SLCO4A1: variants seen among roughly 807,000 people sequenced by gnomAD.
SLCO4A1 encodes the protein solute carrier organic anion transporter family member 4A1.
In SLCO4A1, 51 loss-of-function variants were observed where a neutral mutation model predicts 64.6. The observed-to-expected ratio is 0.79, with a 90% CI of 0.63 to 1.00. SLCO4A1 has a LOEUF of 1.00. Ranked by LOEUF, SLCO4A1 falls within the 50% of genes least tolerant of loss-of-function variation. The pLI, the probability that SLCO4A1 is intolerant of heterozygous loss-of-function variation, is 0.00. For synonymous variants in SLCO4A1, 471 were observed against 444.9 expected (o/e 1.06, Z -0.74); for missense variants, 919 against 980.5 (o/e 0.94, Z 0.84).
chr20:62,646,731 T>C (rs1981404386), intron 1 of SLCO4A1, among the ~76,000 whole-genome samples: 1 of 152,232 alleles, frequency 6.6e-6, no homozygotes, highest in African/African-American at 2.4e-5. Context: ...TCATGATGTC[T>C]CTGTTATGGG....
chr20:62,659,734 CCT>C (rs1984418369), intron 3 of SLCO4A1, among the ~76,000 whole-genome samples: 2 of 152,220 alleles, frequency 1.3e-5, no homozygotes, highest in Admixed American at 1.3e-4. Context: ...GTTGGCGCTC[CCT>C]GTGTCCTCTG....
intron 9 of SLCO4A1, 56 bp downstream of exon 9, chr20:62,668,240 C>T (rs755500258): frequency 1.0e-5 from 16 of 1,586,630 alleles, no homozygotes; most frequent in African/African-American, 6.7e-5. Flanking sequence ...CACCCTGAGG[C>T]GGAGCTCTGC....
In SLCO4A1 at chr20:62,661,193, G is replaced by C. The variant is rs1278863001; in HGVS notation, c.1121+18G>C. ...CTGCCTCTGTAAGGACCGGAGTCGG[G>C]AGGGTTCCTAGTGTCCTCAGACCCT... On this transcript the variant is annotated intron_variant, in intron 5 of 11. Coordinates refer to ENST00000217159, the MANE Select transcript of SLCO4A1 (RefSeq NM_016354.4). This position sits in a 1 kb window ranked among gnomAD's most constrained non-coding sequence, Gnocchi z 5.2. 2 of 1,576,104 alleles carry C rather than the reference G, an allele frequency of 1.3e-6. No homozygotes were observed. Among genetic ancestry groups the C allele is most frequent in the Admixed American group, 3.3e-5 (2 of 59,978 alleles).
downstream of SLCO4A1, among the ~76,000 whole-genome samples, chr20:62,676,641 C>T (rs1247395428): frequency 2.0e-5 from 3 of 152,152 alleles, no homozygotes; most frequent in African/African-American, 4.8e-5. Flanking sequence ...AACCAGAAAA[C>T]GACACGTCGT....
downstream of SLCO4A1, among the ~76,000 whole-genome samples, chr20:62,688,993 T>G (rs1988148497): frequency 6.6e-6 from 1 of 152,224 alleles, no homozygotes; most frequent in Non-Finnish European, 1.5e-5. Context: ...CGAGCACAGT[T>G]AATTTCCTCT....
chr20:62,657,487 C>T (rs748192450), intron 2 of SLCO4A1, among the ~76,000 whole-genome samples: 2 of 152,248 alleles, frequency 1.3e-5, no homozygotes, highest in African/African-American at 4.8e-5. Context: ...GGCCGCTGTG[C>T]CCGGGAGCCT....
rs984199217 is a variant in SLCO4A1 at position 62,661,101 on chromosome 20, GCAC to G, written c.1050_1052del (p.His350del). The G allele has an allele frequency of 2.5e-6, 4 of 1,601,888 alleles. No individual in the cohort carries two copies. Among genetic ancestry groups the G allele is most frequent in the Non-Finnish European group, 2.6e-6 (3 of 1,172,888 alleles). On this transcript the variant is annotated inframe_deletion, in exon 5 of 12. Coordinates refer to ENST00000217159, the MANE Select transcript of SLCO4A1 (RefSeq NM_016354.4). This position sits in a 1 kb window ranked among gnomAD's most constrained non-coding sequence, Gnocchi z 5.2. Reference sequence around the variant, plus strand: ...ACGCGGTCATGAGAGCGGCGGAAATGCACCAGTTGAAGGACAGCAGCCGTGGGG... The same window carrying G: ...ACGCGGTCATGAGAGCGGCGGAAATGCAGTTGAAGGACAGCAGCCGTGGGG...
At chr20:62,648,245 C>CT (rs1445314880) in intron 1 of SLCO4A1, among the ~76,000 whole-genome samples, 1 of 152,262 alleles carries the variant, frequency 6.6e-6, no homozygotes, top group African/African-American at 2.4e-5. Flanking sequence ...GGGCAGCTGG[C>CT]TCTCTAGATG....
chr20:62,646,796 G>T (rs559454628), intron 1 of SLCO4A1, among the ~76,000 whole-genome samples: 1 of 152,256 alleles, frequency 6.6e-6, no homozygotes, highest in African/African-American at 2.4e-5. Flanking sequence ...GCCAGCCTCC[G>T]TCTTCTTCTC....
chr20:62,658,292 G>A (rs116380013), intron 2 of SLCO4A1, among the ~76,000 whole-genome samples: 2 of 152,202 alleles, frequency 1.3e-5, no homozygotes, highest in Admixed American at 1.3e-4. Context: ...TCCAAATCCC[G>A]GCCTGTGGGA....
At chr20:62,677,798 C>T (rs762080820) in intron 2 of SLCO4A1, among the ~76,000 whole-genome samples, 7 of 152,236 alleles carry the variant, frequency 4.6e-5, no homozygotes, top group Admixed American at 3.3e-4. Flanking sequence ...CCCAGCGCCA[C>T]GCTGTGAGCA....
intron 5 of SLCO4A1, among the ~76,000 whole-genome samples, chr20:62,664,715 C>T (rs1985751164): frequency 6.6e-6 from 1 of 152,242 alleles, no homozygotes; most frequent in South Asian, 2.1e-4. Context: ...ACTCTACTCC[C>T]TGTCGGAACA....
intron 2 of SLCO4A1, among the ~76,000 whole-genome samples, chr20:62,680,631 G>A (rs1465505570): frequency 6.6e-6 from 1 of 150,582 alleles, no homozygotes; most frequent in African/African-American, 2.4e-5. Flanking sequence ...TGAGTCTGTT[G>A]ACACAATCCC....
At chr20:62,649,956 T>C (rs1395305970) in intron 1 of SLCO4A1, 4 of 152,296 alleles carry the variant, frequency 2.6e-5, no homozygotes, top group Admixed American at 1.3e-4. Flanking sequence ...GCAGGTCCTT[T>C]GAATTTGGTC....
intron 1 of SLCO4A1, among the ~76,000 whole-genome samples, chr20:62,653,853 A>G (rs1433861781): frequency 7.0e-6 from 1 of 143,234 alleles, no homozygotes; most frequent in Non-Finnish European, 1.5e-5. Context: ...GAACGCTTGG[A>G]CACAGGGCAG....
intron 2 of SLCO4A1, among the ~76,000 whole-genome samples, chr20:62,680,943 C>T (rs1987796627): frequency 6.6e-6 from 1 of 152,190 alleles, no homozygotes; most frequent in Admixed American, 6.5e-5. Context: ...CTCACTCTGT[C>T]ACCTGGGCTG....
rs1555914354 is a variant in SLCO4A1 at position 62,661,021 on chromosome 20, G to GAGCGCCC, written c.1010-40_1010-39insGCCCAGC. On this transcript the variant is annotated intron_variant, in intron 4 of 11. Coordinates refer to ENST00000217159, the MANE Select transcript of SLCO4A1 (RefSeq NM_016354.4). The surrounding 1 kb of genome is among the most constrained non-coding windows in gnomAD (Gnocchi z 5.2). ...CTCTCTCGGAGAAGTCCACCTCCGG[G>GAGCGCCC]AGCCCCCAGCCCCCAGCCCCAGCTC... 1.2e-4 allele frequency: 65 copies of GAGCGCCC among 546,478 alleles called. 7 individuals carry two copies. The highest frequency in any genetic ancestry group is 1.9e-4 in the Non-Finnish European group (55 of 282,310). The allele number at this position is 546,478 out of a possible 1,614,324, so 33.9% of individuals were successfully genotyped here.
intron 2 of SLCO4A1, 95 bp from the exon 3 acceptor site, chr20:62,658,582 G>A (rs1984180857): frequency 7.7e-6 from 7 of 912,736 alleles, no homozygotes; most frequent in East Asian, 5.3e-5. Flanking sequence ...GCAGAATGGC[G>A]GGTGCGGGGC....
rs991655957 is a variant in SLCO4A1, at chr20:62,645,943, C to T, written c.-97+3390C>T. On this transcript the variant is annotated intron_variant, in intron 1 of 11. Coordinates refer to ENST00000217159, the MANE Select transcript of SLCO4A1 (RefSeq NM_016354.4). This position sits in a 1 kb window ranked among gnomAD's most constrained non-coding sequence, Gnocchi z 4.2. Reference sequence around the variant, plus strand: ...TGTGTCGTCCAGTCTGCCCCAGGCTCACTTGGGGCCCTTGCATTTGCCACT... The same window carrying T: ...TGTGTCGTCCAGTCTGCCCCAGGCTTACTTGGGGCCCTTGCATTTGCCACT... Among the ~76,000 whole-genome samples, 2 of 152,182 alleles carry T rather than the reference C, an allele frequency of 1.3e-5. No individual in the cohort carries two copies. Among genetic ancestry groups the T allele is most frequent in the Middle Eastern group, 3.4e-3 (1 of 294 alleles).
Sources: allele counts gnomAD v4.1 joint callset (sites outside exome capture counted in the v4.1 genomes callset), GRCh38; gene constraint gnomAD v4.1.1; non-coding constraint Gnocchi (gnomAD v3.1); transcripts MANE v1.5; gene names NCBI Gene and HGNC (gene_info 2026-07-23, HGNC 2026-07-21).